NRG3: variants seen among roughly 807,000 people sequenced by gnomAD.
NRG3 encodes pro-neuregulin-3, membrane-bound isoform.
NRG3 carries 31 observed loss-of-function variants against 66.9 expected under a neutral mutation model. The ratio of observed to expected loss-of-function variants is 0.46; its 90% CI spans 0.35 to 0.63. NRG3 has a LOEUF of 0.63. NRG3 is among the 20% of genes least tolerant of loss of function. NRG3 has a pLI of 0.00. For missense variants in NRG3, 910 were observed against 878.9 expected, an observed-to-expected ratio of 1.04 and a Z score of -0.45; for synonymous variants, 393 against 359.4, an observed-to-expected ratio of 1.09 and a Z score of -1.06.
At chr10:82,554,638 A>C (rs2044531602) in intron 2 of NRG3, among the ~76,000 whole-genome samples, 1 of 152,272 alleles carries the variant, frequency 6.6e-6, no homozygotes, top group African/African-American at 2.4e-5. Flanking sequence ...GAAATGGAAT[A>C]ATGTGAGGAC....
At chr10:82,125,764 G>T (rs548138127) in intron 1 of NRG3, among the ~76,000 whole-genome samples, 26 of 151,808 alleles carry the variant, frequency 1.7e-4, no homozygotes, top group African/African-American at 6.3e-4. Flanking sequence ...AATGTCCCCG[G>T]CTCACTAGAC....
At chr10:82,356,272 AG>A (rs1208852089) in intron 1 of NRG3, among the ~76,000 whole-genome samples, 3 of 152,242 alleles carry the variant, frequency 2.0e-5, no homozygotes, top group East Asian at 3.8e-4. Context: ...TTATAAAATA[AG>A]GATCTCACTT....
intron 4 of NRG3, among the ~76,000 whole-genome samples, chr10:82,898,516 A>C (rs1220604789): frequency 6.6e-6 from 1 of 152,090 alleles, no homozygotes; most frequent in Non-Finnish European, 1.5e-5. Context: ...GCCACAGTCC[A>C]TACCCCTAGG....
intron 2 of NRG3, among the ~76,000 whole-genome samples, chr10:82,473,209 G>C (rs1841438385): frequency 6.6e-6 from 1 of 152,168 alleles, no homozygotes; most frequent in Non-Finnish European, 1.5e-5. Flanking sequence ...AGCTAAAATG[G>C]AGTGCCTATT....
At chr10:82,634,748 A>G (rs529220775) in intron 2 of NRG3, among the ~76,000 whole-genome samples, 3 of 152,328 alleles carry the variant, frequency 2.0e-5, no homozygotes, top group Admixed American at 1.3e-4. Context: ...TACATATTTG[A>G]CACATGTTAT....
At chr10:82,071,409 C>T (rs2064800188) in intron 1 of NRG3, among the ~76,000 whole-genome samples, 1 of 152,054 alleles carries the variant, frequency 6.6e-6, no homozygotes, top group Admixed American at 6.6e-5. Context: ...GATAAAGTGA[C>T]AAGTGATTCA....
At chr10:82,111,049 A>G (rs1416809920) in intron 1 of NRG3, among the ~76,000 whole-genome samples, 1 of 152,208 alleles carries the variant, frequency 6.6e-6, no homozygotes, top group Non-Finnish European at 1.5e-5. Flanking sequence ...TGTTGCCTGT[A>G]AGAAAAGAGA....
chr10:82,939,574 T>A (rs1004258660), intron 4 of NRG3, among the ~76,000 whole-genome samples: 12 of 151,622 alleles, frequency 7.9e-5, no homozygotes, highest in Middle Eastern at 3.2e-3. Flanking sequence ...GGTTCACGCC[T>A]TTCTCCTGCC....
chr10:82,947,529 T>C (rs1429039431), intron 4 of NRG3, among the ~76,000 whole-genome samples: 3 of 152,148 alleles, frequency 2.0e-5, no homozygotes, highest in Non-Finnish European at 2.9e-5. Flanking sequence ...GAAATGGCTA[T>C]ATAATTTTAC....
chr10:82,306,545 AC>A (rs2080738049), intron 1 of NRG3, among the ~76,000 whole-genome samples: 1 of 151,750 alleles, frequency 6.6e-6, no homozygotes. Context: ...TACTAAAAAT[AC>A]AAAAAAAATT....
At chr10:82,766,787 T>G (rs1478703511) in intron 3 of NRG3, among the ~76,000 whole-genome samples, 3 of 151,950 alleles carry the variant, frequency 2.0e-5, no homozygotes, top group Non-Finnish European at 4.4e-5. Flanking sequence ...TCTGACTCCT[T>G]ACTTATTAAA....
chr10:82,137,563 T>C (rs571651175), intron 1 of NRG3, among the ~76,000 whole-genome samples: 138 of 152,268 alleles, frequency 9.1e-4, no homozygotes, highest in African/African-American at 3.1e-3. Context: ...TCTGATCAGT[T>C]ATTTAGACAC....
intron 8 of NRG3, chr10:82,984,750 A>G: frequency 6.4e-7 from 1 of 1,551,012 alleles, no homozygotes; most frequent in Non-Finnish European, 8.7e-7. Flanking sequence ...GGCCACACTT[A>G]CCTGCTCAAT....
At chr10:82,841,904 C>T (rs2063072710) in intron 3 of NRG3, among the ~76,000 whole-genome samples, 1 of 152,124 alleles carries the variant, frequency 6.6e-6, no homozygotes, top group Non-Finnish European at 1.5e-5. Flanking sequence ...AATATTGTGT[C>T]TATTGGTGTG....
intron 1 of NRG3, among the ~76,000 whole-genome samples, chr10:82,351,877 T>C (rs978896455): frequency 2.0e-5 from 3 of 152,238 alleles, no homozygotes; most frequent in Admixed American, 2.0e-4. Context: ...TCTCTGTCAA[T>C]GGCAAGCCCT....
chr10:82,087,614 A>G (rs2065801463), intron 1 of NRG3, among the ~76,000 whole-genome samples: 1 of 152,172 alleles, frequency 6.6e-6, no homozygotes. Context: ...TTATCATTGC[A>G]CTGCCCATTG....
intron 2 of NRG3, among the ~76,000 whole-genome samples, chr10:82,694,648 G>T (rs1156956325): frequency 6.6e-6 from 1 of 152,082 alleles, no homozygotes; most frequent in Admixed American, 6.6e-5. Context: ...TAGCTACTTG[G>T]AGGCTGAGGC....
chr10:82,231,336 C>T (rs948201303), intron 1 of NRG3, among the ~76,000 whole-genome samples: 2 of 151,722 alleles, frequency 1.3e-5, no homozygotes, highest in East Asian at 1.9e-4. Flanking sequence ...GTGACAAGAG[C>T]GAGACTCCGT....
intron 2 of NRG3, among the ~76,000 whole-genome samples, chr10:82,464,475 T>G (rs1840487464): frequency 6.6e-6 from 1 of 152,196 alleles, no homozygotes; most frequent in Non-Finnish European, 1.5e-5. Context: ...ACATGATATC[T>G]TGGATATTTA....
Sources: gnomAD v4.1 joint callset for allele counts (sites outside exome capture counted in the v4.1 genomes callset) on GRCh38, gnomAD v4.1.1 for gene constraint, MANE v1.5 for transcripts, NCBI Gene and HGNC (gene_info 2026-07-23, HGNC 2026-07-21) for gene names.